NXPH1: variants seen among roughly 807,000 people sequenced by gnomAD.
NXPH1 encodes neurexophilin 1.
A neutral mutation model predicts 23.7 loss-of-function variants in NXPH1; 5 were observed. That is an observed-to-expected ratio of 0.21 (90% CI 0.11 to 0.44). NXPH1 has a LOEUF of 0.44. Among genes scored for constraint, NXPH1 ranks in the 20% least tolerant of loss-of-function variants. NXPH1 has a pLI of 0.99. For synonymous variants in NXPH1, 144 were observed against 122.2 expected, an observed-to-expected ratio of 1.18 and a Z score of -1.18; for missense variants, 324 against 321.6, an observed-to-expected ratio of 1.01 and a Z score of -0.06.
intron 2 of NXPH1, among the ~76,000 whole-genome samples, chr7:8,632,445 C>A (rs1820150416): frequency 6.6e-6 from 1 of 152,138 alleles, no homozygotes; most frequent in African/African-American, 2.4e-5. Flanking sequence ...CTGGTAGCCT[C>A]ATTTCTGACT....
chr7:8,463,049 A>G (rs993951347), intron 2 of NXPH1, among the ~76,000 whole-genome samples: 1 of 152,192 alleles, frequency 6.6e-6, no homozygotes, highest in Admixed American at 6.5e-5. Context: ...AGCCCAGAAA[A>G]TTCTTTACTT....
chr7:8,606,025 C>A (rs1250535312), intron 2 of NXPH1, among the ~76,000 whole-genome samples: 2 of 152,050 alleles, frequency 1.3e-5, no homozygotes, highest in Non-Finnish European at 2.9e-5. Context: ...CATAATTCTT[C>A]CTGTGTCTAA....
chr7:8,590,358 C>T (rs1819066265), intron 2 of NXPH1, among the ~76,000 whole-genome samples: 1 of 152,062 alleles, frequency 6.6e-6, no homozygotes, highest in East Asian at 1.9e-4. Flanking sequence ...GATCCTTCTG[C>T]TTCCAATCAA....
chr7:8,571,099 T>A lies in NXPH1; in HGVS notation c.54+135332T>A, dbSNP rs553741152. Among the ~76,000 whole-genome samples the A allele has an allele frequency of 2.0e-5, 3 of 151,888 alleles. No individual in the cohort carries two copies. The South Asian group carries it at 6.2e-4, about 32-fold the overall frequency. ...ATCTAACTCTGGTTAGAAATGGGAA[T>A]TCCTGGTCCCACTTAGAATTATGTG... On this transcript the variant is annotated intron_variant, in intron 2 of 2. Transcript: ENST00000405863.
chr7:8,653,978 A>G (rs545449797), intron 2 of NXPH1, among the ~76,000 whole-genome samples: 3 of 152,296 alleles, frequency 2.0e-5, no homozygotes, highest in African/African-American at 7.2e-5. Context: ...CTTGGATTTC[A>G]TGTGTGGAAG....
chr7:8,680,844 G>C (rs556658398), intron 2 of NXPH1, among the ~76,000 whole-genome samples: 1 of 152,198 alleles, frequency 6.6e-6, no homozygotes, highest in Admixed American at 6.5e-5. Context: ...TGCTAAAACA[G>C]CTCCTGCATA....
chr7:8,579,751 C>T (rs1452950791), intron 2 of NXPH1, among the ~76,000 whole-genome samples: 1 of 152,124 alleles, frequency 6.6e-6, no homozygotes, highest in Non-Finnish European at 1.5e-5. Flanking sequence ...CATGATTGTT[C>T]CACTTGATTG....
At chr7:8,694,254 G>T (rs1487811686) in intron 2 of NXPH1, among the ~76,000 whole-genome samples, 1 of 152,168 alleles carries the variant, frequency 6.6e-6, no homozygotes, top group Non-Finnish European at 1.5e-5. Context: ...GTGCGTGGTG[G>T]TCTCTGAGAT....
At chr7:8,661,548 G>C (rs1820673624) in intron 2 of NXPH1, among the ~76,000 whole-genome samples, 3 of 152,056 alleles carry the variant, frequency 2.0e-5, no homozygotes. Context: ...GAGAGGAAGG[G>C]GCTTTACTGG....
chr7:8,550,559 A>G (rs979113811), intron 2 of NXPH1, among the ~76,000 whole-genome samples: 6 of 151,572 alleles, frequency 4.0e-5, no homozygotes, highest in African/African-American at 1.5e-4. Flanking sequence ...ACTTTTAAAA[A>G]TAGTATTACT....
chr7:8,499,119 G>A (rs1018060185), intron 2 of NXPH1, among the ~76,000 whole-genome samples: 4 of 152,048 alleles, frequency 2.6e-5, no homozygotes, highest in African/African-American at 9.7e-5. Flanking sequence ...TGTTGGACAG[G>A]AAGTATCTTT....
chr7:8,543,739 G>C (rs910014512), intron 2 of NXPH1, among the ~76,000 whole-genome samples: 2 of 151,510 alleles, frequency 1.3e-5, no homozygotes, highest in Non-Finnish European at 3.0e-5. Context: ...GCATATAATG[G>C]ATCCTTAATA....
chr7:8,612,129 T>C (rs1819633647), intron 2 of NXPH1, among the ~76,000 whole-genome samples: 2 of 150,696 alleles, frequency 1.3e-5, no homozygotes, highest in South Asian at 4.2e-4. Context: ...TCTTTTTCTC[T>C]TTTTTTTCCC....
chr7:8,526,888 C>T (rs1020664825), intron 2 of NXPH1, among the ~76,000 whole-genome samples: 13 of 152,140 alleles, frequency 8.5e-5, no homozygotes, highest in Non-Finnish European at 1.5e-4. Context: ...AAGTAAGGCA[C>T]AGGTAAATAT....
chr7:8,595,139 A>G (rs1819192543), intron 2 of NXPH1, among the ~76,000 whole-genome samples: 1 of 152,046 alleles, frequency 6.6e-6, no homozygotes, highest in Admixed American at 6.6e-5. Context: ...TCTGTCTTTT[A>G]AAAATGACAT....
chr7:8,713,993 T>C (rs2115200023), intron 2 of NXPH1, among the ~76,000 whole-genome samples: 1 of 152,312 alleles, frequency 6.6e-6, no homozygotes, highest in South Asian at 2.1e-4. Flanking sequence ...CTAAAAGACC[T>C]AGGGCTCTAC....
At chr7:8,732,396 G>T (rs1780173758) in intron 2 of NXPH1, among the ~76,000 whole-genome samples, 1 of 152,190 alleles carries the variant, frequency 6.6e-6, no homozygotes, top group African/African-American at 2.4e-5. Context: ...AGACAGAGTT[G>T]CACTTTGACT....
chr7:8,718,244 G>A (rs1779909914), intron 2 of NXPH1, among the ~76,000 whole-genome samples: 1 of 152,126 alleles, frequency 6.6e-6, no homozygotes, highest in South Asian at 2.1e-4. Flanking sequence ...ACATAGTTAT[G>A]TGGCCTTCTA....
intron 2 of NXPH1, among the ~76,000 whole-genome samples, chr7:8,749,238 T>C (rs377524416): frequency 3.3e-5 from 5 of 152,366 alleles, no homozygotes; most frequent in African/African-American, 1.2e-4. Flanking sequence ...TTTACCTGTT[T>C]AGCTCACTCA....
Sources: gnomAD v4.1 joint callset for allele counts (sites outside exome capture counted in the v4.1 genomes callset) on GRCh38, gnomAD v4.1.1 for gene constraint, MANE v1.5 for transcripts, NCBI Gene and HGNC (gene_info 2026-07-23, HGNC 2026-07-21) for gene names.